Variants in CPXM2 observed in about 807,000 individuals in gnomAD.
CPXM2 encodes the protein carboxypeptidase X, M14 family member 2.
A neutral mutation model predicts 86.1 loss-of-function variants in CPXM2; 66 were observed. The observed-to-expected ratio is 0.77, with a 90% CI of 0.63 to 0.94. CPXM2 has a LOEUF of 0.94. Ranked by LOEUF, CPXM2 falls within the 40% of genes least tolerant of loss-of-function variation. The probability of loss-of-function intolerance (pLI) is 0.00; values close to 1 mark genes in which losing one functional copy is unlikely to be tolerated. For missense variants in CPXM2, 948 were observed against 1,026.3 expected (o/e 0.92, Z 1.04); for synonymous variants, 388 against 400.2 (o/e 0.97, Z 0.36).
intron 6 of CPXM2, among the ~76,000 whole-genome samples, chr10:123,784,445 T>C (rs1030397039): frequency 6.6e-5 from 10 of 152,156 alleles, no homozygotes; most frequent in South Asian, 6.2e-4. Flanking sequence ...CCACCTGCCC[T>C]AAACATCTCT....
In CPXM2 at chr10:123,911,903, C is replaced by T. The variant is rs188055874; in HGVS notation, n.174+27574G>A. ...TCTTGCCTCCTCCGAAGAAAGAATT[C>T]GACTGAGGGGCATAAGGCAGAAGGA... On this transcript the variant is annotated intron_variant and non_coding_transcript_variant, in intron 2 of 19. Transcript: ENST00000368854. 1.9e-3 allele frequency among the ~76,000 whole-genome samples: 288 copies of T among 152,132 alleles called. 4 individuals are homozygous for T. Among genetic ancestry groups the T allele is most frequent in the East Asian group, 7.8e-4 (4 of 5,114 alleles).
chr10:123,859,212 T>C (rs893315665), intron 3 of CPXM2, among the ~76,000 whole-genome samples: 2 of 152,256 alleles, frequency 1.3e-5, no homozygotes, highest in Non-Finnish European at 2.9e-5. Context: ...CAAAATCCCA[T>C]TAGCTCAACA....
At chr10:123,749,603 C>T (rs1356079906) in intron 13 of CPXM2, among the ~76,000 whole-genome samples, 2 of 152,190 alleles carry the variant, frequency 1.3e-5, no homozygotes, top group Non-Finnish European at 2.9e-5. Flanking sequence ...TCCTGCCCTC[C>T]CCTATTGTAT....
rs112910425 is a variant in CPXM2, at chr10:123,858,037, T to G, written c.513+4577A>C. Among the ~76,000 whole-genome samples the G allele has an allele frequency of 4.1e-3, 630 of 152,290 alleles. 4 individuals are homozygous for G. The highest frequency in any genetic ancestry group is 0.014 in the African/African-American group (578 of 41,552). On this transcript the variant is annotated intron_variant, in intron 3 of 13. Transcript: ENST00000241305. Reference sequence around the variant, plus strand: ...TAGACTCCATATTCACCCGTGACAGTGCACTCTGTGGCCAGGTGCTGGTGC... The same window carrying G: ...TAGACTCCATATTCACCCGTGACAGGGCACTCTGTGGCCAGGTGCTGGTGC...
intron 4 of CPXM2, among the ~76,000 whole-genome samples, chr10:123,818,227 G>A (rs1847852439): frequency 6.6e-6 from 1 of 152,184 alleles, no homozygotes; most frequent in South Asian, 2.1e-4. Flanking sequence ...TCTTTCCCCA[G>A]CCACCCCTGT....
At chr10:123,877,931 T>C (rs1028277566) in intron 2 of CPXM2, among the ~76,000 whole-genome samples, 1 of 152,196 alleles carries the variant, frequency 6.6e-6, no homozygotes, top group Non-Finnish European at 1.5e-5. Flanking sequence ...TCAATGTAGT[T>C]AACATCGCCT....
At chr10:123,768,402 A>C (rs1056038150) in intron 9 of CPXM2, 124 bp downstream of exon 9, 2 of 463,854 alleles carry the variant, frequency 4.3e-6, no homozygotes, top group Admixed American at 8.6e-5. Context: ...TAAATAAATA[A>C]ATAAATAAAT....
intron 13 of CPXM2, chr10:123,752,750 C>T: frequency 3.7e-6 from 1 of 269,796 alleles, no homozygotes; most frequent in Non-Finnish European, 5.7e-6. Flanking sequence ...ATAGCTCTGC[C>T]ACTCACTGGG....
intron 11 of CPXM2, among the ~76,000 whole-genome samples, chr10:123,760,636 T>C (rs1846310354): frequency 6.6e-6 from 1 of 152,096 alleles, no homozygotes; most frequent in Non-Finnish European, 1.5e-5. Context: ...TCATTTGAGG[T>C]TTCACAGCAG....
rs777365472 is a variant in CPXM2 at position 123,780,250 on chromosome 10, T to C, written c.895A>G (p.Asn299Asp). 1.3e-6 allele frequency: 2 copies of C among 1,592,732 alleles called. No individual in the cohort carries two copies. Among genetic ancestry groups the C allele is most frequent in the South Asian group, 2.2e-5 (2 of 90,622 alleles). ...TCGTTCCGGCGGTGATAATAATTAT[T>C]AGGATCTAGGGACAGAAACATGATT... ...EILGCPLPDP[N>D]NYYHRRNEMT... The change falls in exon 7 of 14, where the codon AAT becomes GAT. Residue 299 changes from asparagine (N) to aspartate (D), a missense_variant. Asn to Asp is a conservative substitution (Grantham distance 23, BLOSUM62 1). Coordinates refer to ENST00000241305, the MANE Select transcript of CPXM2 (RefSeq NM_198148.3).
chr10:123,916,068 T>TG (rs1275591793), intron 2 of CPXM2, among the ~76,000 whole-genome samples: 1 of 152,166 alleles, frequency 6.6e-6, no homozygotes, highest in Non-Finnish European at 1.5e-5. Flanking sequence ...GCTTGAAGTT[T>TG]GGTGCTGTAC....
In CPXM2 at chr10:123,770,924, T is replaced by G. The variant is rs149790654; in HGVS notation, c.1094A>C (p.His365Pro). ...AVEISDHPGE[H>P]EVGEPEFHYI... ...AGAGGGGCCCTTCTCACCGACTTCATGCTCCCCAGGGTGATCTGAGATCTC... is the reference window on the plus strand; with the variant it reads ...AGAGGGGCCCTTCTCACCGACTTCAGGCTCCCCAGGGTGATCTGAGATCTC... The change falls in exon 8 of 14, where the codon CAT becomes CCT. Residue 365 changes from histidine to proline, a missense_variant. By Grantham distance (77) the His-to-Pro change is moderately conservative. Coordinates refer to ENST00000241305, the MANE Select transcript of CPXM2 (RefSeq NM_198148.3). 1.1e-4 allele frequency: 175 copies of G among 1,608,696 alleles called. 2 individuals are homozygous for G. The highest frequency in any genetic ancestry group is 1.3e-4 in the Non-Finnish European group (155 of 1,178,302).
chr10:123,807,058 A>G (rs1847595631), intron 4 of CPXM2, among the ~76,000 whole-genome samples: 1 of 152,212 alleles, frequency 6.6e-6, no homozygotes, highest in Non-Finnish European at 1.5e-5. Context: ...GTGAGTAGGG[A>G]TTGAATGGGG....
At chr10:123,825,312 T>C (rs1848023541) in intron 4 of CPXM2, among the ~76,000 whole-genome samples, 2 of 151,688 alleles carry the variant, frequency 1.3e-5, no homozygotes, top group African/African-American at 4.8e-5. Context: ...GCATGATGAG[T>C]TTCCCAGCAC....
rs116314363 is a variant in CPXM2, at chr10:123,787,398, T to A, written c.890-7143A>T. 3.7e-3 allele frequency among the ~76,000 whole-genome samples: 568 copies of A among 152,132 alleles called. 5 individuals are homozygous for A. Among genetic ancestry groups the A allele is most frequent in the African/African-American group, 0.013 (540 of 41,504 alleles). The stretch of plus-strand genomic sequence containing the variant: ...GCTCACTACATGAGACTTTTTTTTT[T>A]CTTTGAGATGAAGTTTTGCTCTTGT... On this transcript the variant is annotated intron_variant, in intron 6 of 13. Coordinates refer to ENST00000241305, the MANE Select transcript of CPXM2 (RefSeq NM_198148.3).
At chr10:123,783,401 T>C (rs934155527) in intron 6 of CPXM2, among the ~76,000 whole-genome samples, 13 of 152,370 alleles carry the variant, frequency 8.5e-5, no homozygotes, top group African/African-American at 3.1e-4. Context: ...GCTTCAGATA[T>C]GCAAGTGTAA....
At chr10:123,935,821 T>C (rs971436420) in intron 2 of CPXM2, among the ~76,000 whole-genome samples, 3 of 150,986 alleles carry the variant, frequency 2.0e-5, no homozygotes, top group African/African-American at 4.9e-5. Context: ...AGCATCTTCA[T>C]CGCCATCATC....
rs1228569220 is a variant in CPXM2, at chr10:123,870,702, AC to A, written c.404-7980del. On this transcript the variant is annotated intron_variant, in intron 2 of 13. Coordinates refer to ENST00000241305, the MANE Select transcript of CPXM2 (RefSeq NM_198148.3). ...AGTCGTCCTTGGAAAGCTCTTTAAC[AC>A]CCACCACAGGAGAGATGATCCTTCA... Among the ~76,000 whole-genome samples, 16 of 152,042 alleles carry A rather than the reference AC, an allele frequency of 1.1e-4. No individual in the cohort carries two copies. In the East Asian group the frequency reaches 3.1e-3, roughly 29 times the overall value.
chr10:123,816,409 T>A (rs891739056), intron 4 of CPXM2, among the ~76,000 whole-genome samples: 10 of 152,066 alleles, frequency 6.6e-5, no homozygotes, highest in African/African-American at 2.2e-4. Context: ...AAATAATAAA[T>A]CAAAAACAGT....
Sources: gnomAD v4.1 joint callset for allele counts (sites outside exome capture counted in the v4.1 genomes callset) on GRCh38, gnomAD v4.1.1 for gene constraint, MANE v1.5 for transcripts, NCBI Gene and HGNC (gene_info 2026-07-23, HGNC 2026-07-21) for gene names.